The following NDUFA7 variants were observed in gnomAD, a reference collection of about 807,000 sequenced individuals.
NDUFA7 encodes the protein NADH dehydrogenase [ubiquinone] 1 alpha subcomplex subunit 7.
NDUFA7 carries 18 observed loss-of-function variants against 14.2 expected under a neutral mutation model. The observed-to-expected ratio is 1.27, with a 90% CI of 0.88 to 1.88. The LOEUF (loss-of-function observed/expected upper bound fraction) is 1.88. Ranked by LOEUF, NDUFA7 falls within the 40% of genes most tolerant of loss-of-function variation. The pLI is 0.00. For missense variants in NDUFA7, 172 were observed against 147.3 expected (o/e 1.17, Z -0.87); for synonymous variants, 75 against 62.1 (o/e 1.21, Z -0.98).
intron 3 of NDUFA7, among the ~76,000 whole-genome samples, chr19:8,315,673 G>C (rs1970224252): frequency 6.6e-6 from 1 of 152,050 alleles, no homozygotes. Flanking sequence ...GAGGCCGGGT[G>C]GATCCTCCGT....
chr19:8,321,056 T>C, intron 1 of NDUFA7, 150 bp from the exon 2 acceptor site: 1 of 956,032 alleles, frequency 1.0e-6, no homozygotes, highest in Non-Finnish European at 1.6e-6. Context: ...GTCCTGCAGG[T>C]GAAGAGCAAA....
At chr19:8,320,549 A>T (rs1014027932) in intron 2 of NDUFA7, among the ~76,000 whole-genome samples, 17 of 152,194 alleles carry the variant, frequency 1.1e-4, no homozygotes, top group Admixed American at 9.2e-4. Flanking sequence ...CTTGAGGCAA[A>T]TGATTTCGCC....
At chr19:8,313,558 C>T (rs1335031055) in intron 3 of NDUFA7, among the ~76,000 whole-genome samples, 47 of 152,178 alleles carry the variant, frequency 3.1e-4, no homozygotes, top group Non-Finnish European at 1.5e-5. Flanking sequence ...CAGAGCAGGC[C>T]CTGCCTGACC....
In NDUFA7 at chr19:8,311,585, C is replaced by G. The variant is rs1970178173; in HGVS notation, c.262G>C (p.Ala88Pro). The change falls in exon 4 of 4, where the codon GCT becomes CCT. Residue 88 changes from alanine to proline, a missense_variant. Physicochemically the swap from Ala to Pro is conservative, Grantham distance 27 (BLOSUM62 -1). Transcript: ENST00000301457. ...GTCACCGCCTTCTTCTCAGTGGCAG[C>G]TACAGCAGAGCTGGAGGAGGGAAAG... ...SGKPAESSAV[A>P]ATEKKAVTPA... 1 of 1,612,282 alleles carries G rather than the reference C, an allele frequency of 6.2e-7. No homozygotes were observed. The highest frequency in any genetic ancestry group is 8.5e-7 in the Non-Finnish European group (1 of 1,179,136).
intron 2 of NDUFA7, among the ~76,000 whole-genome samples, chr19:8,320,133 C>T (rs931847875): frequency 6.6e-6 from 1 of 152,168 alleles, no homozygotes; most frequent in Non-Finnish European, 1.5e-5. Flanking sequence ...GGATCACAAG[C>T]GTGAGCCACC....
intron 2 of NDUFA7, 29 bp from the exon 3 acceptor site, chr19:8,316,674 CAA>C: frequency 6.2e-7 from 1 of 1,610,536 alleles, no homozygotes; most frequent in Non-Finnish European, 8.5e-7. Context: ...AGCACTGAAG[CAA>C]AGAGACAGTC....
chr19:8,315,203 T>TGATA (rs1198725667), intron 3 of NDUFA7, among the ~76,000 whole-genome samples: 1 of 152,196 alleles, frequency 6.6e-6, no homozygotes, highest in African/African-American at 2.4e-5. Context: ...TCTCCCCATG[T>TGATA]GATAGCCTGA....
At chr19:8,320,755 G>C in intron 2 of NDUFA7, 102 bp downstream of exon 2, 2 of 1,399,684 alleles carry the variant, frequency 1.4e-6, no homozygotes, top group Non-Finnish European at 2.0e-6. Flanking sequence ...ACTGGTGGCA[G>C]GATGTCAGCC....
At chr19:8,317,050 G>A (rs1025365755) in intron 2 of NDUFA7, among the ~76,000 whole-genome samples, 4 of 152,072 alleles carry the variant, frequency 2.6e-5, no homozygotes, top group African/African-American at 4.8e-5. Context: ...GACGCCCTGC[G>A]TTTCCTGTTA....
At chr19:8,312,109 G>A (rs557249237) in intron 3 of NDUFA7, among the ~76,000 whole-genome samples, 24 of 152,298 alleles carry the variant, frequency 1.6e-4, no homozygotes, top group African/African-American at 5.5e-4. Flanking sequence ...GAATCCATGC[G>A]CAAATGGCAA....
At position 8,321,344 on chromosome 19, in the gene NDUFA7, G is replaced by A. The variant is rs1002075244; in HGVS notation, c.15C>T (p.Thr5=). 4.4e-6 allele frequency: 7 copies of A among 1,577,958 alleles called. No homozygotes were observed. The highest frequency in any genetic ancestry group is 3.6e-5 in the Admixed American group (2 of 54,978). ...AGTTCCGCAGCCGCTGGATGAGACG[G>A]GTGGCGGACGCCATCTTCCGTCCGC... MASA[T]RLIQRLRNWA... Residue 5 remains threonine (T), a synonymous_variant, in exon 1 of 4, where the codon ACC becomes ACT. Coordinates refer to ENST00000301457, the MANE Select transcript of NDUFA7 (RefSeq NM_005001.5).
chr19:8,311,721 G>C, intron 3 of NDUFA7, 126 bp from the exon 4 acceptor site: 2 of 713,696 alleles, frequency 2.8e-6, no homozygotes, highest in Non-Finnish European at 4.5e-6. Context: ...ACAGACAGCA[G>C]GGTGTTCCAG....
chr19:8,319,324 G>A (rs1970272951), intron 2 of NDUFA7: 1 of 152,158 alleles, frequency 6.6e-6, no homozygotes, highest in Non-Finnish European at 1.5e-5. Flanking sequence ...ACTTTGGGAG[G>A]CCGAGGCAGG....
chr19:8,315,725 A>T (rs1005255245), intron 3 of NDUFA7, among the ~76,000 whole-genome samples: 1 of 152,040 alleles, frequency 6.6e-6, no homozygotes, highest in African/African-American at 2.4e-5. Flanking sequence ...TTCTTTCTCT[A>T]TACTTTGTCT....
At chr19:8,317,556 G>A (rs1363672010) in intron 2 of NDUFA7, among the ~76,000 whole-genome samples, 1 of 152,114 alleles carries the variant, frequency 6.6e-6, no homozygotes, top group Admixed American at 6.6e-5. Context: ...CCAGAGAGAG[G>A]GAGGAGAGAA....
At chr19:8,321,213 G>T in intron 1 of NDUFA7, 95 bp downstream of exon 1, 1 of 1,369,438 alleles carries the variant, frequency 7.3e-7, no homozygotes, top group Non-Finnish European at 9.7e-7. Context: ...GAGAGCGAAG[G>T]GTCCCGGCTT....
At chr19:8,320,421 C>A in intron 2 of NDUFA7, among the ~76,000 whole-genome samples, 1 of 152,170 alleles carries the variant, frequency 6.6e-6, no homozygotes, top group Non-Finnish European at 1.5e-5. Flanking sequence ...AAACCCAAGG[C>A]TGAGGTCATA....
At chr19:8,317,235 G>A (rs1304946451) in intron 2 of NDUFA7, among the ~76,000 whole-genome samples, 1 of 152,056 alleles carries the variant, frequency 6.6e-6, no homozygotes, top group African/African-American at 2.4e-5. Context: ...CTAAACCCTG[G>A]GCTGGATTTA....
chr19:8,312,132 T>C (rs1022078135), intron 3 of NDUFA7, among the ~76,000 whole-genome samples: 1 of 152,070 alleles, frequency 6.6e-6, no homozygotes, highest in African/African-American at 2.4e-5. Flanking sequence ...GCAAAACGCA[T>C]CTCTGGCCCA....
Sources: allele counts gnomAD v4.1 joint callset (sites outside exome capture counted in the v4.1 genomes callset), GRCh38; gene constraint gnomAD v4.1.1; transcripts MANE v1.5; gene names NCBI Gene and HGNC (gene_info 2026-07-23, HGNC 2026-07-21).